GPM6A: variants seen among roughly 807,000 people sequenced by gnomAD.
The protein encoded by GPM6A is neuronal membrane glycoprotein M6-a.
Under a neutral mutation model 32.1 loss-of-function variants are expected in GPM6A, and 7 were observed. The observed-to-expected ratio is 0.22, with a 90% CI of 0.12 to 0.41. GPM6A has a LOEUF of 0.41. Among genes scored for constraint, GPM6A ranks in the 10% least tolerant of loss-of-function variants. The probability of loss-of-function intolerance (pLI) is 1.00; values close to 1 mark genes in which losing one functional copy is unlikely to be tolerated. For synonymous variants in GPM6A, 130 were observed against 123.4 expected (o/e 1.05, Z -0.35); for missense variants, 235 against 347.2 (o/e 0.68, Z 2.57).
chr4:175,973,837 A>T (rs1740578467), intron 1 of GPM6A, among the ~76,000 whole-genome samples: 1 of 152,198 alleles, frequency 6.6e-6, no homozygotes, highest in South Asian at 2.1e-4. Flanking sequence ...TCCGCTTTTA[A>T]TAAATTATCA....
At chr4:175,863,008 T>C (rs1365537698) in intron 1 of GPM6A, among the ~76,000 whole-genome samples, 1 of 152,124 alleles carries the variant, frequency 6.6e-6, no homozygotes, top group Non-Finnish European at 1.5e-5. Context: ...ATCTCCTCTC[T>C]CTCTCTTCCT....
intron 1 of GPM6A, among the ~76,000 whole-genome samples, chr4:175,764,491 C>T (rs773983931): frequency 2.0e-5 from 3 of 152,048 alleles, no homozygotes; most frequent in East Asian, 1.9e-4. Flanking sequence ...TTCTAGATAA[C>T]GTATGTCATG....
chr4:175,915,659 A>C (rs988648480), intron 1 of GPM6A, among the ~76,000 whole-genome samples: 1 of 152,168 alleles, frequency 6.6e-6, no homozygotes, highest in Non-Finnish European at 1.5e-5. Flanking sequence ...AATGATCAAC[A>C]AAAATATAAG....
intron 4 of GPM6A, among the ~76,000 whole-genome samples, chr4:175,646,989 A>G (rs992595638): frequency 6.6e-6 from 1 of 152,240 alleles, no homozygotes; most frequent in African/African-American, 2.4e-5. Context: ...TTTCTGTCTC[A>G]GTGACTGGCT....
chr4:175,814,407 A>C (rs1579533249), upstream of GPM6A, among the ~76,000 whole-genome samples: 2 of 152,320 alleles, frequency 1.3e-5, no homozygotes, highest in Admixed American at 1.3e-4. Flanking sequence ...TGATCTTAGA[A>C]GCTAATTTTC....
chr4:175,759,318 G>T (rs1408837721), intron 1 of GPM6A, among the ~76,000 whole-genome samples: 2 of 152,076 alleles, frequency 1.3e-5, no homozygotes, highest in Non-Finnish European at 2.9e-5. Flanking sequence ...AGAGAAAATA[G>T]TGATTTCAAT....
chr4:175,707,665 A>G (rs988339838), intron 1 of GPM6A, among the ~76,000 whole-genome samples: 1 of 151,682 alleles, frequency 6.6e-6, no homozygotes, highest in African/African-American at 2.4e-5. Flanking sequence ...TGTGCCTTTT[A>G]CTTTATCTTC....
intron 5 of GPM6A, 115 bp downstream of exon 5, chr4:175,640,638 G>A (rs1741087508): frequency 1.4e-6 from 1 of 725,092 alleles, no homozygotes; most frequent in East Asian, 2.7e-5. Context: ...AGGTAAAATT[G>A]CCTCTGATAG....
intron 1 of GPM6A, among the ~76,000 whole-genome samples, chr4:175,749,484 T>C (rs1318751062): frequency 6.6e-6 from 1 of 152,156 alleles, no homozygotes; most frequent in Non-Finnish European, 1.5e-5. Context: ...CATAATAAAA[T>C]AAGATGAAGT....
At chr4:175,813,587 C>T (rs1704073213), upstream of GPM6A, among the ~76,000 whole-genome samples, 1 of 152,050 alleles carries the variant, frequency 6.6e-6, no homozygotes, top group South Asian at 2.1e-4. Context: ...GGCACACACA[C>T]ACACAAGGAC....
At chr4:175,952,604 A>C (rs1223863068) in intron 1 of GPM6A, among the ~76,000 whole-genome samples, 1 of 152,204 alleles carries the variant, frequency 6.6e-6, no homozygotes, top group East Asian at 1.9e-4. Context: ...CCATTCACTC[A>C]TTCCAGAGAT....
At chr4:175,671,311 A>G (rs1270360519) in intron 3 of GPM6A, among the ~76,000 whole-genome samples, 2 of 151,774 alleles carry the variant, frequency 1.3e-5, no homozygotes, top group Non-Finnish European at 2.9e-5. Context: ...TGCAAAAAAA[A>G]AAAATCCACC....
At chr4:175,637,273 A>T (rs1560841870) in intron 6 of GPM6A, among the ~76,000 whole-genome samples, 1 of 51,300 alleles carries the variant, frequency 1.9e-5, no homozygotes, top group Non-Finnish European at 3.4e-5. Context: ...TATATTATAT[A>T]TTATATATTA....
At chr4:175,853,608 T>C (rs910490718) in intron 1 of GPM6A, among the ~76,000 whole-genome samples, 1 of 151,778 alleles carries the variant, frequency 6.6e-6, no homozygotes, top group Non-Finnish European at 1.5e-5. Flanking sequence ...TTAATAAGAT[T>C]ACCAGTGGAG....
At chr4:175,914,334 G>GTTTT (rs1368616158) in intron 1 of GPM6A, among the ~76,000 whole-genome samples, 6 of 152,220 alleles carry the variant, frequency 3.9e-5, no homozygotes, top group Admixed American at 3.9e-4. Context: ...GTTTTGTTTT[G>GTTTT]TTTTTGAGAC....
chr4:175,707,688 G>T (rs1170873425), intron 1 of GPM6A, among the ~76,000 whole-genome samples: 1 of 150,492 alleles, frequency 6.6e-6, no homozygotes. Flanking sequence ...ATTGTCTTAC[G>T]CTATTGGATA....
At chr4:175,668,471 G>A (rs6824420) in intron 3 of GPM6A, among the ~76,000 whole-genome samples, 45 of 139,280 alleles carry the variant, frequency 3.2e-4, no homozygotes, top group East Asian at 1.7e-3. Flanking sequence ...AAAGAGGCAA[G>A]GCTTTGTTCT....
chr4:175,963,455 A>C (rs1740231404), intron 1 of GPM6A, among the ~76,000 whole-genome samples: 1 of 152,146 alleles, frequency 6.6e-6, no homozygotes, highest in Non-Finnish European at 1.5e-5. Context: ...AAAAATAATG[A>C]TATCAGACTT....
At chr4:175,860,268 GA>G (rs33912412) in intron 1 of GPM6A, among the ~76,000 whole-genome samples, 43,707 of 150,042 alleles carry the variant, frequency 0.29, 6,494 homozygotes, top group East Asian at 0.36. Context: ...CTGAGTCTTT[GA>G]AAAAAAAATC....
Sources: gnomAD v4.1 joint callset for allele counts (sites outside exome capture counted in the v4.1 genomes callset) on GRCh38, gnomAD v4.1.1 for gene constraint, MANE v1.5 for transcripts, NCBI Gene and HGNC (gene_info 2026-07-23, HGNC 2026-07-21) for gene names.